The following ASB5 variants were observed in gnomAD, a reference collection of about 807,000 sequenced individuals.
The protein encoded by ASB5 is ankyrin repeat and SOCS box containing 5.
Under a neutral mutation model 42.1 loss-of-function variants are expected in ASB5, and 45 were observed. The observed-to-expected ratio is 1.07, with a 90% CI of 0.84 to 1.37. The LOEUF is 1.37. Ranked by LOEUF, ASB5 falls within the 40% of genes most tolerant of loss-of-function variation. ASB5 has a pLI of 0.00. For missense variants in ASB5, 402 were observed against 399.8 expected (o/e 1.01, Z -0.05); for synonymous variants, 147 against 150.6 (o/e 0.98, Z 0.18).
At chr4:176,247,615 T>C (rs1302365196) in intron 1 of ASB5, among the ~76,000 whole-genome samples, 1 of 152,182 alleles carries the variant, frequency 6.6e-6, no homozygotes, top group Admixed American at 6.5e-5. Context: ...GTGAATATAA[T>C]TGACCATGCA....
intron 2 of ASB5, among the ~76,000 whole-genome samples, chr4:176,223,207 T>G (rs191287189): frequency 6.6e-6 from 1 of 152,326 alleles, no homozygotes; most frequent in African/African-American, 2.4e-5. Context: ...CACTAGTGGT[T>G]AAGAATTCTG....
chr4:176,220,516 A>G (rs933061739), intron 5 of ASB5, among the ~76,000 whole-genome samples: 3 of 152,170 alleles, frequency 2.0e-5, no homozygotes, highest in Non-Finnish European at 4.4e-5. Context: ...AAAAAAAGGT[A>G]TGATCCAAAT....
rs748431835 is a variant in ASB5, at chr4:176,216,883, A to T, written c.797T>A (p.Leu266His). 8.1e-6 allele frequency: 13 copies of T among 1,613,868 alleles called. No individual in the cohort carries two copies. The highest frequency in any genetic ancestry group is 1.0e-5 in the Non-Finnish European group (12 of 1,179,984). ...CGTAGCTACATCTATAGGTCGCAGA[A>T]GCTCTGTATTTTTGGCATTGATATC... is the stretch of plus-strand genomic sequence containing the variant. ...GADINAKNTE[L>H]LRPIDVATSS... Residue 266 changes from leucine (L) to histidine (H), a missense_variant, in exon 6 of 7, where the codon CTT (leucine) becomes CAT (histidine). Transcript: ENST00000296525.
chr4:176,271,349 G>A (rs1754465771), upstream of ASB5, among the ~76,000 whole-genome samples: 1 of 152,134 alleles, frequency 6.6e-6, no homozygotes, highest in Admixed American at 6.6e-5. Context: ...ATAACACTAT[G>A]AACAACTCTG....
At chr4:176,251,174 G>C (rs560360139) in intron 1 of ASB5, among the ~76,000 whole-genome samples, 5 of 151,462 alleles carry the variant, frequency 3.3e-5, no homozygotes, top group South Asian at 2.1e-4. Context: ...GCTTAACCAT[G>C]TGCTCATGGG....
At chr4:176,263,582 C>T (rs1295022708) in intron 1 of ASB5, among the ~76,000 whole-genome samples, 1 of 152,106 alleles carries the variant, frequency 6.6e-6, no homozygotes, top group Non-Finnish European at 1.5e-5. Context: ...AGTTATTCTT[C>T]TGTGGAGTTG....
Position 176,221,520 on chromosome 4 carries a change from A to G in ASB5, c.465T>C (p.Leu155=). 1.2e-6 allele frequency: 2 copies of G among 1,614,144 alleles called. No homozygotes were observed. The highest frequency in any genetic ancestry group is 1.7e-6 in the Non-Finnish European group (2 of 1,179,998). ...SQGSPSCAEL[L]LEYGAKAQLE... is the part of the protein sequence containing the mutation. ...GCTGGGCTTTGGCACCATACTCCAG[A>G]AGCAGCTCTGCACAGCTTGGACTGC... Residue 155 remains leucine (L), a synonymous_variant, in exon 4 of 7, where the codon CTT becomes CTC. Transcript: ENST00000296525.
intron 1 of ASB5, among the ~76,000 whole-genome samples, chr4:176,228,087 G>A (rs1753428770): frequency 6.6e-6 from 1 of 152,170 alleles, no homozygotes. Context: ...GGGAGGCAAA[G>A]GCTAACTATG....
upstream of ASB5, among the ~76,000 whole-genome samples, chr4:176,270,527 A>AAAC (rs1553964251): frequency 1.3e-5 from 2 of 152,044 alleles, no homozygotes; most frequent in Non-Finnish European, 2.9e-5. Flanking sequence ...GGCTCTCAGA[A>AAAC]AATAATAATA....
chr4:176,273,422 C>T (rs1754510993), upstream of ASB5, among the ~76,000 whole-genome samples: 1 of 151,838 alleles, frequency 6.6e-6, no homozygotes, highest in East Asian at 1.9e-4. Context: ...CTACTGAAAA[C>T]ATAATCCTCA....
At chr4:176,219,618 A>G (rs1374461014) in intron 5 of ASB5, among the ~76,000 whole-genome samples, 37 of 122,598 alleles carry the variant, frequency 3.0e-4, no homozygotes, top group African/African-American at 9.8e-4. Context: ...ATATATATAT[A>G]GGCTGGAGTA....
At chr4:176,271,852 A>G (rs191652686), upstream of ASB5, among the ~76,000 whole-genome samples, 2 of 152,304 alleles carry the variant, frequency 1.3e-5, no homozygotes, top group Non-Finnish European at 2.9e-5. Context: ...ACTAAAATAC[A>G]TGCTCAAGTT....
intron 1 of ASB5, chr4:176,237,710 GA>G (rs1753720322): frequency 2.2e-6 from 1 of 455,274 alleles, no homozygotes; most frequent in African/African-American, 2.1e-5. Context: ...GTGTGATATA[GA>G]AAGTAAAAAG....
At position 176,225,299 on chromosome 4, in the gene ASB5, T is replaced by G. The variant is rs759229845; in HGVS notation, c.239A>C (p.Gln80Pro). ...TGTTCTCAGAGCAAGAAGGCGACCT[T>G]GACTTGCTGCTTCATGTAGTGGTGA... is the stretch of plus-strand genomic sequence containing the variant. ...DRSPLHEAASQGRLLALRTLL... is the reference protein window; with the variant it reads ...DRSPLHEAASPGRLLALRTLL... Residue 80 changes from glutamine to proline, a missense_variant, in exon 2 of 7, where the codon CAA (glutamine) becomes CCA (proline). By Grantham distance (76) the Gln-to-Pro change is moderately conservative. Coordinates refer to ENST00000296525, the MANE Select transcript of ASB5 (RefSeq NM_080874.4). 7 of 1,613,972 alleles carry G rather than the reference T, an allele frequency of 4.3e-6. No individual in the cohort carries two copies. Among genetic ancestry groups the G allele is most frequent in the Non-Finnish European group, 5.9e-6 (7 of 1,179,988 alleles).
intron 3 of ASB5, 116 bp from the exon 4 acceptor site, chr4:176,221,716 C>T: frequency 1.0e-6 from 1 of 998,534 alleles, no homozygotes; most frequent in Non-Finnish European, 1.4e-6. Flanking sequence ...AAAATGTGCA[C>T]ATTAAATATG....
intron 2 of ASB5, among the ~76,000 whole-genome samples, chr4:176,274,548 A>T (rs1754531555): frequency 6.6e-6 from 1 of 152,168 alleles, no homozygotes; most frequent in Non-Finnish European, 1.5e-5. Context: ...TTTGCCCTGC[A>T]GTGCCTCTCA....
intron 1 of ASB5, among the ~76,000 whole-genome samples, chr4:176,266,935 T>C (rs1376081789): frequency 6.6e-6 from 1 of 152,190 alleles, no homozygotes; most frequent in Non-Finnish European, 1.5e-5. Flanking sequence ...TTCCCATGAT[T>C]TCCCAGCATA....
chr4:176,232,960 C>A (rs533090180), intron 1 of ASB5, among the ~76,000 whole-genome samples: 9 of 152,272 alleles, frequency 5.9e-5, no homozygotes, highest in African/African-American at 1.9e-4. Context: ...ATAAGATAGA[C>A]CTGAGTTCAA....
intron 1 of ASB5, among the ~76,000 whole-genome samples, chr4:176,249,937 C>CAT (rs1753995705): frequency 2.0e-5 from 3 of 151,498 alleles, no homozygotes; most frequent in Non-Finnish European, 2.9e-5. Context: ...TGGTGACGGG[C>CAT]GCCTGTAGTC....
Sources: allele counts gnomAD v4.1 joint callset (sites outside exome capture counted in the v4.1 genomes callset), GRCh38; gene constraint gnomAD v4.1.1; transcripts MANE v1.5; gene names NCBI Gene and HGNC (gene_info 2026-07-23, HGNC 2026-07-21).